Variants in RYR2 observed in about 807,000 individuals in gnomAD.
The protein encoded by RYR2 is ryanodine receptor 2.
Under a neutral mutation model 601.1 loss-of-function variants are expected in RYR2, and 227 were observed. The observed-to-expected ratio is 0.38, with a 90% confidence interval of 0.34 to 0.42. RYR2 has a LOEUF of 0.42. Ranked by LOEUF, RYR2 falls within the 10% of genes least tolerant of loss-of-function variation. RYR2 has a pLI of 1.00. For missense variants in RYR2, 4,646 were observed against 6,156.5 expected (o/e 0.75, Z 8.21); for synonymous variants, 2,223 against 2,175.1 (o/e 1.02, Z -0.61).
chr1:237,756,487 C>A, intron 81 of RYR2, 100 bp downstream of exon 81: 1 of 696,238 alleles, frequency 1.4e-6, no homozygotes, highest in Non-Finnish European at 2.4e-6. Flanking sequence ...TCATTTAGTC[C>A]TGGGGTTTCT....
chr1:237,582,964 GA>G (rs908394669), intron 29 of RYR2, among the ~76,000 whole-genome samples: 2 of 150,784 alleles, frequency 1.3e-5, no homozygotes, highest in Non-Finnish European at 3.0e-5. Context: ...TTGCTAGGTT[GA>G]ATGGTAGTTC....
intron 22 of RYR2, among the ~76,000 whole-genome samples, chr1:237,504,547 G>A (rs1409917928): frequency 6.6e-6 from 1 of 152,180 alleles, no homozygotes; most frequent in Non-Finnish European, 1.5e-5. Flanking sequence ...ATGTATACAT[G>A]CAAGTCACAG....
At chr1:237,447,542 G>A (rs1657517529) in intron 14 of RYR2, among the ~76,000 whole-genome samples, 1 of 152,078 alleles carries the variant, frequency 6.6e-6, no homozygotes, top group South Asian at 2.1e-4. Context: ...TGATAAAATA[G>A]GATGGTTACA....
At chr1:237,284,520 A>C (rs1471826636) in intron 2 of RYR2, among the ~76,000 whole-genome samples, 7 of 74,236 alleles carry the variant, frequency 9.4e-5, no homozygotes, top group Non-Finnish European at 1.4e-4. Context: ...TATATAATAT[A>C]TGTATTGTGT....
chr1:237,788,075 A>T lies in RYR2; in HGVS notation c.13416A>T (p.Glu4472Asp). The change falls in exon 92 of 105, where the codon GAA becomes GAT. Residue 4472 changes from glutamate to aspartate, a missense_variant. Glu to Asp is a conservative substitution (Grantham distance 45). This residue lies in a region of RYR2 where 364 missense variants were observed against 442.9 expected (regional missense o/e 0.82). Coordinates refer to ENST00000366574, the MANE Select transcript of RYR2 (RefSeq NM_001035.3). ...AGCTTCACACACACAGATACGGAGA[A>T]CCAGAAGTGCCAGAGTCAGCATTCT... ...LRQLHTHRYG[E>D]PEVPESAFWK... 1 of 1,612,612 alleles carries T rather than the reference A, an allele frequency of 6.2e-7. No individual in the cohort carries two copies. The highest frequency in any genetic ancestry group is 8.5e-7 in the Non-Finnish European group (1 of 1,179,166).
intron 1 of RYR2, among the ~76,000 whole-genome samples, chr1:237,246,274 T>C (rs1009397845): frequency 6.6e-6 from 1 of 151,702 alleles, no homozygotes; most frequent in Non-Finnish European, 1.5e-5. Context: ...TTTTGTATTT[T>C]TAGTAGAGAC....
intron 46 of RYR2, among the ~76,000 whole-genome samples, chr1:237,639,531 T>G (rs1035832952): frequency 6.6e-6 from 1 of 151,876 alleles, no homozygotes; most frequent in African/African-American, 2.4e-5. Context: ...TAGACTGGAG[T>G]TTAGTGGGAA....
At position 237,494,424 on chromosome 1, in the gene RYR2, G is replaced by A. The variant is rs150077761; in HGVS notation, c.1961+1337G>A. Among the ~76,000 whole-genome samples the A allele has an allele frequency of 8.9e-3, 1,351 of 152,218 alleles. 17 individuals are homozygous for A. Among genetic ancestry groups the A allele is most frequent in the African/African-American group, 0.03 (1,252 of 41,534 alleles). On this transcript the variant is annotated intron_variant, in intron 19 of 104. Transcript: ENST00000366574. ...AACTCAACCAGTCTAGTCTTTCTGC[G>A]TCCCTCTGTCTGCTTTTATTCTAGC...
In RYR2 at chr1:237,722,456, T is replaced by C. The variant is rs1420624921; in HGVS notation, c.10555-672T>C. On this transcript the variant is annotated intron_variant, in intron 73 of 104. Transcript: ENST00000366574. The stretch of plus-strand genomic sequence containing the variant: ...TTTTAATTTTTTTTTTTTTTTGAGA[T>C]GGAGTCTCGCTCTGTCGCCCAGGCT... Among the ~76,000 whole-genome samples the C allele has an allele frequency of 1.2e-4, 18 of 151,074 alleles. No individual in the cohort carries two copies. In the South Asian group the frequency reaches 1.5e-3, roughly 12 times the overall value.
chr1:237,138,451 T>G (rs1356525697), intron 1 of RYR2, among the ~76,000 whole-genome samples: 1 of 152,242 alleles, frequency 6.6e-6, no homozygotes, highest in Non-Finnish European at 1.5e-5. Context: ...GTGATTATTT[T>G]TATTCTCCAG....
chr1:237,709,490 C>A lies in RYR2; in HGVS notation c.10153C>A (p.Leu3385Ile). The change falls in exon 70 of 105, where the codon CTA (leucine) becomes ATA (isoleucine). Residue 3385 changes from leucine (L) to isoleucine (I), a missense_variant. By Grantham distance (5) the Leu-to-Ile change is conservative. This residue lies in a region of RYR2 where 1,497 missense variants were observed against 1,842.6 expected (regional missense o/e 0.81). Coordinates refer to ENST00000366574, the MANE Select transcript of RYR2 (RefSeq NM_001035.3). The stretch of plus-strand genomic sequence containing the variant: ...TATTATGTGATCCAGGGCAAAGTGG[C>A]TAAAGGAGCCTAACCCAGAAGCAGA... ...RFVDYNRAKW[L>I]KEPNPEAEEL... 1 of 1,608,478 alleles carries A rather than the reference C, an allele frequency of 6.2e-7. No homozygotes were observed.
At chr1:237,520,655 A>G (rs1666997232) in intron 24 of RYR2, among the ~76,000 whole-genome samples, 1 of 152,166 alleles carries the variant, frequency 6.6e-6, no homozygotes, top group Non-Finnish European at 1.5e-5. Flanking sequence ...ATAAAAACCC[A>G]CTTAACTCCT....
At chr1:237,303,025 T>G (rs1450390358) in intron 2 of RYR2, among the ~76,000 whole-genome samples, 2 of 152,174 alleles carry the variant, frequency 1.3e-5, no homozygotes, top group South Asian at 4.1e-4. Flanking sequence ...CTGAAAGGCA[T>G]AAGATCTCTG....
intron 19 of RYR2, among the ~76,000 whole-genome samples, chr1:237,495,696 A>G (rs553490823): frequency 6.6e-6 from 1 of 152,298 alleles, no homozygotes; most frequent in Non-Finnish European, 1.5e-5. Context: ...TTCTGTTCAC[A>G]GTGAGGCATA....
rs546466627 is a variant in RYR2 at position 237,666,341 on chromosome 1, A to G, written c.8437-171A>G. Among the ~76,000 whole-genome samples, 58 of 152,368 alleles carry G rather than the reference A, an allele frequency of 3.8e-4. 1 individual carries two copies. In the Middle Eastern group the frequency reaches 0.027, roughly 71 times the overall value. On this transcript the variant is annotated intron_variant, in intron 56 of 104. Transcript: ENST00000366574. ...ATAAATCATTTTCAGACACCCAAAT[A>G]TAATTTTAATGTGCGAGATGTGTTT...
chr1:237,230,739 CAAAAACCCGTCT>C (rs1217937547), intron 1 of RYR2, among the ~76,000 whole-genome samples: 2 of 152,004 alleles, frequency 1.3e-5, no homozygotes. Flanking sequence ...GCCAACATGG[CAAAAACCCGTCT>C]AAAAACCCCT....
At chr1:237,227,085 G>A (rs1016191026) in intron 1 of RYR2, among the ~76,000 whole-genome samples, 4 of 152,026 alleles carry the variant, frequency 2.6e-5, no homozygotes, top group African/African-American at 9.7e-5. Context: ...GTCACATAGT[G>A]TATAATGACA....
intron 89 of RYR2, 53 bp downstream of exon 89, chr1:237,781,699 A>G: frequency 2.2e-6 from 2 of 921,036 alleles, no homozygotes; most frequent in Admixed American, 4.3e-5. Flanking sequence ...TTAAAGGATC[A>G]GCATGGGCTT....
chr1:237,820,093 A>G (rs187917337), intron 101 of RYR2, among the ~76,000 whole-genome samples: 193 of 151,034 alleles, frequency 1.3e-3, no homozygotes, highest in African/African-American at 4.4e-3. Context: ...AGACTGAGGC[A>G]GAAGAATCAC....
Sources: allele counts gnomAD v4.1 joint callset (sites outside exome capture counted in the v4.1 genomes callset), GRCh38; gene constraint gnomAD v4.1.1; regional missense constraint gnomAD v4.1.1; transcripts MANE v1.5; gene names NCBI Gene and HGNC (gene_info 2026-07-23, HGNC 2026-07-21).